Variants in PDE4D observed in about 807,000 individuals in gnomAD.
The protein encoded by PDE4D is phosphodiesterase 4D, also known as 3',5'-cyclic-AMP phosphodiesterase 4D.
Under a neutral mutation model 87.4 loss-of-function variants are expected in PDE4D, and 24 were observed. That is an observed-to-expected ratio of 0.27 (90% CI 0.20 to 0.39). The LOEUF is 0.39. Among genes scored for constraint, PDE4D ranks in the 10% least tolerant of loss-of-function variants. PDE4D has a pLI of 1.00. For missense variants in PDE4D, 714 were observed against 1,041.0 expected (o/e 0.69, Z 4.32); for synonymous variants, 384 against 383.2 (o/e 1.00, Z -0.02).
intron 1 of PDE4D, among the ~76,000 whole-genome samples, chr5:59,597,255 T>C (rs1826833401): frequency 6.6e-6 from 1 of 152,196 alleles, no homozygotes; most frequent in African/African-American, 2.4e-5. Context: ...TAATGCTATA[T>C]TGTAATATTG....
At chr5:60,497,241 C>T (rs754361116) in intron 1 of PDE4D, among the ~76,000 whole-genome samples, 2 of 152,182 alleles carry the variant, frequency 1.3e-5, no homozygotes, top group Non-Finnish European at 2.9e-5. Flanking sequence ...AACTCACAGG[C>T]ACACCGAGTT....
At chr5:59,750,241 A>T (rs112838968) in intron 1 of PDE4D, among the ~76,000 whole-genome samples, 44 of 152,144 alleles carry the variant, frequency 2.9e-4, no homozygotes, top group African/African-American at 1.1e-3. Context: ...GATTCTTCCA[A>T]AACTTATGAT....
chr5:59,935,746 A>C (rs564231260), intron 3 of PDE4D, among the ~76,000 whole-genome samples: 1 of 152,310 alleles, frequency 6.6e-6, no homozygotes, highest in East Asian at 1.9e-4. Context: ...GCTTGTTAGA[A>C]ATGCAGCACT....
At chr5:60,254,108 T>C (rs2149688619) in intron 1 of PDE4D, among the ~76,000 whole-genome samples, 1 of 152,068 alleles carries the variant, frequency 6.6e-6, no homozygotes, top group Admixed American at 6.6e-5. Flanking sequence ...AATGTAGCAC[T>C]GTCAAAGTGA....
At chr5:59,401,643 G>C (rs1245941180) in intron 1 of PDE4D, among the ~76,000 whole-genome samples, 2 of 152,066 alleles carry the variant, frequency 1.3e-5, no homozygotes, top group African/African-American at 4.8e-5. Flanking sequence ...GGGGTTCTCA[G>C]TGGGTTATTT....
At chr5:59,243,843 ACT>A (rs1758221507) in intron 1 of PDE4D, among the ~76,000 whole-genome samples, 1 of 151,638 alleles carries the variant, frequency 6.6e-6, no homozygotes, top group African/African-American at 2.4e-5. Context: ...CACCATTTAA[ACT>A]CTTTGACCCA....
At chr5:59,133,694 GCAGCGGTTAT>G (rs1776606084) in intron 5 of PDE4D, among the ~76,000 whole-genome samples, 1 of 152,162 alleles carries the variant, frequency 6.6e-6, no homozygotes, top group Non-Finnish European at 1.5e-5. Flanking sequence ...CCCCAGTAAA[GCAGCGGTTAT>G]CACTGCAATT....
intron 1 of PDE4D, among the ~76,000 whole-genome samples, chr5:60,251,323 A>G (rs959459617): frequency 6.6e-6 from 1 of 151,884 alleles, no homozygotes; most frequent in African/African-American, 2.4e-5. Flanking sequence ...TAAGCCTGGT[A>G]CCTGCTGGTT....
At chr5:60,369,422 G>C (rs1760825481) in intron 1 of PDE4D, among the ~76,000 whole-genome samples, 1 of 152,114 alleles carries the variant, frequency 6.6e-6, no homozygotes, top group Non-Finnish European at 1.5e-5. Flanking sequence ...AGAACCCACA[G>C]AAAGATGAGG....
intron 1 of PDE4D, among the ~76,000 whole-genome samples, chr5:59,247,502 A>G (rs1369637095): frequency 6.6e-6 from 1 of 152,146 alleles, no homozygotes; most frequent in Non-Finnish European, 1.5e-5. Context: ...GACTGGATAG[A>G]GTACAATGGC....
chr5:59,144,106 G>C (rs1778284915), intron 5 of PDE4D, among the ~76,000 whole-genome samples: 1 of 152,180 alleles, frequency 6.6e-6, no homozygotes, highest in Non-Finnish European at 1.5e-5. Flanking sequence ...GCTTATAAAG[G>C]AGCAACATCT....
intron 1 of PDE4D, among the ~76,000 whole-genome samples, chr5:60,424,512 A>C (rs1011622431): frequency 7.2e-5 from 11 of 152,190 alleles, no homozygotes; most frequent in Admixed American, 6.5e-5. Context: ...TCAATAAACT[A>C]CATAATGATG....
At chr5:60,270,905 C>G (rs1750743865) in intron 1 of PDE4D, among the ~76,000 whole-genome samples, 1 of 152,118 alleles carries the variant, frequency 6.6e-6, no homozygotes, top group African/African-American at 2.4e-5. Context: ...GATTGCCAAG[C>G]AAAGATGTAG....
chr5:60,130,342 T>C (rs1779460480), intron 2 of PDE4D, among the ~76,000 whole-genome samples: 1 of 152,246 alleles, frequency 6.6e-6, no homozygotes, highest in South Asian at 2.1e-4. Context: ...TAGAAAAGTA[T>C]CCTGGTGAGA....
At position 59,100,323 on chromosome 5, in the gene PDE4D, G is replaced by A. The variant is rs138316296; in HGVS notation, c.809-61352C>T. Among the ~76,000 whole-genome samples the A allele has an allele frequency of 1.6e-4, 24 of 152,256 alleles. 1 individual carries two copies. In the East Asian group the frequency reaches 3.9e-3, roughly 24 times the overall value. On this transcript the variant is annotated intron_variant, in intron 5 of 14. Coordinates refer to ENST00000340635, the MANE Select transcript of PDE4D (RefSeq NM_001104631.2). ...CGCCCTACATACTGTAAGTTACTCC[G>A]AAACATTCATCTTTTTCTACATGCC...
chr5:60,184,838 G>A lies in PDE4D; in HGVS notation c.42+719C>T, dbSNP rs146798681. ...ACGTCACAAGTACATCTGTTTGGATGCCTTATCCCCCTTGGGTAAATGAAC... is the reference window on the plus strand; with the variant it reads ...ACGTCACAAGTACATCTGTTTGGATACCTTATCCCCCTTGGGTAAATGAAC... On this transcript the variant is annotated intron_variant, in intron 2 of 16. Coordinates refer to the PDE4D transcript ENST00000502484. Among the ~76,000 whole-genome samples, 935 of 152,308 alleles carry A rather than the reference G, an allele frequency of 6.1e-3. 8 individuals carry two copies. Among genetic ancestry groups the A allele is most frequent in the African/African-American group, 0.021 (891 of 41,562 alleles).
At chr5:59,745,600 G>A (rs117434961) in intron 1 of PDE4D, among the ~76,000 whole-genome samples, 2 of 152,224 alleles carry the variant, frequency 1.3e-5, no homozygotes, top group East Asian at 1.9e-4. Flanking sequence ...CAGGGGTGAC[G>A]TGCTGATCAG....
chr5:59,350,418 G>A (rs1780334133), intron 1 of PDE4D, among the ~76,000 whole-genome samples: 1 of 152,112 alleles, frequency 6.6e-6, no homozygotes, highest in Admixed American at 6.6e-5. Context: ...GGCCTTTCAA[G>A]GTCTTCAAGC....
chr5:59,880,075 A>G (rs1487434453), intron 1 of PDE4D, among the ~76,000 whole-genome samples: 1 of 151,638 alleles, frequency 6.6e-6, no homozygotes, highest in African/African-American at 2.4e-5. Flanking sequence ...CTATGTCCTC[A>G]TTATCTACTT....
Sources: allele counts gnomAD v4.1 joint callset (sites outside exome capture counted in the v4.1 genomes callset), GRCh38; gene constraint gnomAD v4.1.1; transcripts MANE v1.5; gene names NCBI Gene and HGNC (gene_info 2026-07-23, HGNC 2026-07-21).